The following RIMS1 variants were observed in gnomAD, a reference collection of about 807,000 sequenced individuals.
The protein encoded by RIMS1 is regulating synaptic membrane exocytosis 1.
In RIMS1, 83 loss-of-function variants were observed where a neutral mutation model predicts 214.1. The ratio of observed to expected loss-of-function variants is 0.39; its 90% CI spans 0.32 to 0.47. The LOEUF (loss-of-function observed/expected upper bound fraction) is 0.47, where lower values mean the gene tolerates loss of function less well. RIMS1 is among the 20% of genes least tolerant of loss of function. The pLI is 0.99. For synonymous variants in RIMS1, 793 were observed against 786.8 expected (o/e 1.01, Z -0.13); for missense variants, 2,050 against 2,161.8 (o/e 0.95, Z 1.03).
At chr6:72,125,065 G>GATTTTAGA (rs1330436161) in intron 4 of RIMS1, among the ~76,000 whole-genome samples, 1 of 152,130 alleles carries the variant, frequency 6.6e-6, no homozygotes, top group Non-Finnish European at 1.5e-5. Flanking sequence ...AGGCACTCTG[G>GATTTTAGA]ATTTTAGAAT....
At chr6:72,154,919 G>A (rs1040467557) in intron 4 of RIMS1, among the ~76,000 whole-genome samples, 2 of 140,190 alleles carry the variant, frequency 1.4e-5, no homozygotes, top group African/African-American at 4.9e-5. Flanking sequence ...CATCATAGCC[G>A]AATGGTTGAG....
intron 4 of RIMS1, among the ~76,000 whole-genome samples, chr6:72,148,014 A>G (rs552945617): frequency 3.9e-5 from 6 of 152,312 alleles, no homozygotes; most frequent in Admixed American, 1.3e-4. Context: ...GAAACAGACA[A>G]AGAGGTTACC....
At chr6:72,188,650 T>C (rs542001609) in intron 6 of RIMS1, among the ~76,000 whole-genome samples, 4 of 152,350 alleles carry the variant, frequency 2.6e-5, no homozygotes, top group African/African-American at 7.2e-5. Flanking sequence ...CTTTGCCTTC[T>C]GCAAGCACCT....
At chr6:71,913,865 C>T (rs76734266) in intron 1 of RIMS1, among the ~76,000 whole-genome samples, 15,373 of 152,114 alleles carry the variant, frequency 0.1, 1,009 homozygotes, top group Non-Finnish European at 0.14. Flanking sequence ...GTAAGAAGGA[C>T]ACTTCCTTTC....
At chr6:72,018,840 A>G (rs575334691) in intron 2 of RIMS1, among the ~76,000 whole-genome samples, 17 of 152,328 alleles carry the variant, frequency 1.1e-4, no homozygotes, top group Admixed American at 1.0e-3. Context: ...CTCCCCAAGA[A>G]TGTAAAATTT....
intron 29 of RIMS1, among the ~76,000 whole-genome samples, chr6:72,386,959 C>T (rs1354261151): frequency 6.6e-6 from 1 of 151,992 alleles, no homozygotes; most frequent in Non-Finnish European, 1.5e-5. Context: ...TGGTCTCGAT[C>T]TCCTGACCTC....
chr6:72,357,801 C>G (rs758324513), intron 29 of RIMS1, among the ~76,000 whole-genome samples: 5 of 152,118 alleles, frequency 3.3e-5, no homozygotes, highest in African/African-American at 4.8e-5. Flanking sequence ...GTCATAATTC[C>G]ACTCTGAAAT....
chr6:72,206,081 A>G (rs1377015218), intron 6 of RIMS1, among the ~76,000 whole-genome samples: 3 of 152,072 alleles, frequency 2.0e-5, no homozygotes, highest in African/African-American at 7.2e-5. Flanking sequence ...TTAAACCCCT[A>G]CCATAGTTAT....
At chr6:72,166,513 T>C (rs1329539445) in intron 4 of RIMS1, among the ~76,000 whole-genome samples, 1 of 152,202 alleles carries the variant, frequency 6.6e-6, no homozygotes, top group African/African-American at 2.4e-5. Flanking sequence ...CTCTTGGACA[T>C]ATTTTGTTAA....
At chr6:72,202,584 G>T (rs950350043) in intron 6 of RIMS1, among the ~76,000 whole-genome samples, 2 of 152,176 alleles carry the variant, frequency 1.3e-5, no homozygotes, top group African/African-American at 4.8e-5. Flanking sequence ...GATGAGTTTG[G>T]AGGGGGACAT....
chr6:72,174,384 T>C (rs575009426), intron 4 of RIMS1, among the ~76,000 whole-genome samples: 1 of 152,240 alleles, frequency 6.6e-6, no homozygotes, highest in East Asian at 1.9e-4. Flanking sequence ...TGGGTTACAA[T>C]TTAGCACCCC....
At chr6:71,980,944 CT>C (rs1798336655) in intron 2 of RIMS1, among the ~76,000 whole-genome samples, 1 of 152,064 alleles carries the variant, frequency 6.6e-6, no homozygotes, top group Non-Finnish European at 1.5e-5. Flanking sequence ...AAGGCAAGTA[CT>C]TCTAGGGAAT....
intron 2 of RIMS1, among the ~76,000 whole-genome samples, chr6:71,980,901 C>T (rs746100766): frequency 1.2e-4 from 19 of 152,008 alleles, no homozygotes; most frequent in African/African-American, 4.3e-4. Flanking sequence ...CTGGGAATTA[C>T]CAAAGGAGAG....
At chr6:72,005,431 G>T (rs1001307710) in intron 2 of RIMS1, among the ~76,000 whole-genome samples, 1 of 152,148 alleles carries the variant, frequency 6.6e-6, no homozygotes, top group Non-Finnish European at 1.5e-5. Flanking sequence ...GCTTCAAAGT[G>T]ATTTTTCTTT....
chr6:71,969,019 C>T lies in RIMS1; in HGVS notation c.201C>T (p.Cys67=), dbSNP rs1349678893. The change falls in exon 2 of 34, where the codon TGC becomes TGT. Residue 67 remains cysteine, a synonymous_variant. Transcript: ENST00000521978. ...VVRDMAKPAA[C]KTPRNAENQP... Reference sequence around the variant, plus strand: ...GGGACATGGCGAAGCCTGCTGCCTGCAAAACACCAAGAAATGCTGAAAACC... The same window carrying T: ...GGGACATGGCGAAGCCTGCTGCCTGTAAAACACCAAGAAATGCTGAAAACC... 2 of 1,613,888 alleles carry T rather than the reference C, an allele frequency of 1.2e-6. No homozygotes were observed. The highest frequency in any genetic ancestry group is 1.3e-5 in the African/African-American group (1 of 74,922).
intron 29 of RIMS1, among the ~76,000 whole-genome samples, chr6:72,370,335 G>A (rs2154400560): frequency 6.6e-6 from 1 of 152,260 alleles, no homozygotes; most frequent in African/African-American, 2.4e-5. Context: ...ATGAATTAGA[G>A]GTACAACTGT....
chr6:72,104,090 A>G (rs1325837800), intron 4 of RIMS1, among the ~76,000 whole-genome samples: 1 of 152,136 alleles, frequency 6.6e-6, no homozygotes, highest in Non-Finnish European at 1.5e-5. Context: ...ATTAATCCGT[A>G]TAAGTCAATC....
chr6:72,347,245 C>G (rs1176128877), intron 29 of RIMS1, among the ~76,000 whole-genome samples: 1 of 151,850 alleles, frequency 6.6e-6, no homozygotes, highest in East Asian at 1.9e-4. Context: ...TCACTCAACC[C>G]TAATTTTCCC....
rs567942844 is a variant in RIMS1 at position 72,322,926 on chromosome 6, G to C, written c.4130+9254G>C. On this transcript the variant is annotated intron_variant, in intron 28 of 33. Coordinates refer to ENST00000521978, the MANE Select transcript of RIMS1 (RefSeq NM_014989.7). The stretch of plus-strand genomic sequence containing the variant: ...GACCAGTGACCTGTCTATGCACAGG[G>C]AAGTTTCCAGGAAAGCAAACAAAAA... 1.1e-3 allele frequency among the ~76,000 whole-genome samples: 168 copies of C among 152,016 alleles called. 1 individual carries two copies. The highest frequency in any genetic ancestry group is 5.7e-4 in the Non-Finnish European group (39 of 67,972).
Sources: allele counts gnomAD v4.1 joint callset (sites outside exome capture counted in the v4.1 genomes callset), GRCh38; gene constraint gnomAD v4.1.1; transcripts MANE v1.5; gene names NCBI Gene and HGNC (gene_info 2026-07-23, HGNC 2026-07-21).